Variants in RFX4 observed in about 807,000 individuals in gnomAD.
RFX4 encodes the protein regulatory factor X4.
Under a neutral mutation model 95.0 loss-of-function variants are expected in RFX4, and 10 were observed. The ratio of observed to expected loss-of-function variants is 0.11; its 90% CI spans 0.06 to 0.18. The LOEUF is 0.18. Among genes scored for constraint, RFX4 ranks in the 10% least tolerant of loss-of-function variants. The pLI is 1.00. For synonymous variants in RFX4, 321 were observed against 340.7 expected (o/e 0.94, Z 0.64); for missense variants, 640 against 922.0 (o/e 0.69, Z 3.96).
intron 6 of RFX4, among the ~76,000 whole-genome samples, chr12:106,688,020 T>C (rs1206386403): frequency 6.6e-6 from 1 of 151,800 alleles, no homozygotes; most frequent in Non-Finnish European, 1.5e-5. Context: ...AGCAAGTTAC[T>C]GGAAAAATAA....
At chr12:106,753,873 A>G (rs1201122209) in intron 17 of RFX4, among the ~76,000 whole-genome samples, 1 of 152,186 alleles carries the variant, frequency 6.6e-6, no homozygotes, top group African/African-American at 2.4e-5. Flanking sequence ...CGGAGTGGTA[A>G]GATCAGAGCT....
intron 4 of RFX4, among the ~76,000 whole-genome samples, chr12:106,679,935 C>T (rs1565976288): frequency 6.6e-6 from 1 of 152,190 alleles, no homozygotes. Flanking sequence ...TCTTGAATCA[C>T]TGCCTTTTAC....
At chr12:106,706,790 C>T (rs530755947) in intron 8 of RFX4, among the ~76,000 whole-genome samples, 1 of 152,238 alleles carries the variant, frequency 6.6e-6, no homozygotes, top group Admixed American at 6.5e-5. Context: ...AATGTGTGGA[C>T]CTTGTTTGGA....
At chr12:106,752,675 G>A (rs957411208) in intron 17 of RFX4, among the ~76,000 whole-genome samples, 9 of 152,058 alleles carry the variant, frequency 5.9e-5, no homozygotes, top group African/African-American at 1.7e-4. Context: ...CATCCAGCCC[G>A]CACAGGTAAT....
rs1047783817 is a variant in RFX4 at position 106,723,842 on chromosome 12, G to A, written c.1351+2966G>A. ...AATTGCTTTCCCTGTAGTCAGGAGTGGAAGTAAAAACCCAGAGAAGAGAGG... is the reference window on the plus strand; with the variant it reads ...AATTGCTTTCCCTGTAGTCAGGAGTAGAAGTAAAAACCCAGAGAAGAGAGG... On this transcript the variant is annotated intron_variant, in intron 13 of 17. Coordinates refer to ENST00000392842, the MANE Select transcript of RFX4 (RefSeq NM_213594.3). Among the ~76,000 whole-genome samples, 78 of 152,172 alleles carry A rather than the reference G, an allele frequency of 5.1e-4. 5 individuals carry two copies. Among genetic ancestry groups the A allele is most frequent in the Non-Finnish European group, 2.9e-5 (2 of 68,028 alleles).
chr12:106,747,012 A>G (rs4964486), intron 15 of RFX4, among the ~76,000 whole-genome samples: 56,800 of 152,056 alleles, frequency 0.37, 10,726 homozygotes, highest in African/African-American at 0.42. Flanking sequence ...CTTTCTGTCT[A>G]GTGAGGGGGC....
chr12:106,633,070 A>G (rs1202515358), intron 2 of RFX4, among the ~76,000 whole-genome samples: 1 of 152,260 alleles, frequency 6.6e-6, no homozygotes, highest in African/African-American at 2.4e-5. Flanking sequence ...GAACTGAGAT[A>G]GAGAGCCATC....
In RFX4 at chr12:106,595,549, A is replaced by T. The variant is rs116333089; in HGVS notation, c.43+12186A>T. Among the ~76,000 whole-genome samples, 682 of 152,278 alleles carry T rather than the reference A, an allele frequency of 4.5e-3. 4 individuals carry two copies. The highest frequency in any genetic ancestry group is 0.016 in the African/African-American group (660 of 41,548). On this transcript the variant is annotated intron_variant, in intron 1 of 17. Coordinates refer to ENST00000392842, the MANE Select transcript of RFX4 (RefSeq NM_213594.3). ...ATGCAATGTGTGCCTTTCATCTCAAATCATTCTCAGAGCTTCTAAGTTCAA... is the reference window on the plus strand; with the variant it reads ...ATGCAATGTGTGCCTTTCATCTCAATTCATTCTCAGAGCTTCTAAGTTCAA...
chr12:106,732,728 TAAAC>T lies in RFX4; in HGVS notation c.1472-192_1472-189del, dbSNP rs1224980989. Among the ~76,000 whole-genome samples, 9 of 151,968 alleles carry T rather than the reference TAAAC, an allele frequency of 5.9e-5. No individual in the cohort carries two copies. In the Middle Eastern group the frequency reaches 0.017, roughly 287 times the overall value. On this transcript the variant is annotated intron_variant, in intron 14 of 17. Transcript: ENST00000392842. Reference sequence around the variant, plus strand: ...ATAAGTAAATAAATAAATAAATAAATAAACAAATTAAATAAAGTGGGCATATTTA... The same window carrying T: ...ATAAGTAAATAAATAAATAAATAAATAAATTAAATAAAGTGGGCATATTTA...
intron 3 of RFX4, among the ~76,000 whole-genome samples, chr12:106,645,503 G>A (rs1565962463): frequency 6.6e-6 from 1 of 151,906 alleles, no homozygotes; most frequent in Non-Finnish European, 1.5e-5. Flanking sequence ...TTTCGGGGGG[G>A]ATTGGGGGGA....
At chr12:106,655,258 T>C (rs1381630457) in intron 4 of RFX4, among the ~76,000 whole-genome samples, 1 of 152,186 alleles carries the variant, frequency 6.6e-6, no homozygotes, top group Non-Finnish European at 1.5e-5. Context: ...AATGGCTCCA[T>C]TCAATAAATG....
At chr12:106,610,310 A>G (rs1298996421) in intron 2 of RFX4, among the ~76,000 whole-genome samples, 1 of 152,072 alleles carries the variant, frequency 6.6e-6, no homozygotes, top group Non-Finnish European at 1.5e-5. Context: ...GGCAAAATCT[A>G]CATAACATAA....
rs1332416261 is a variant in RFX4, at chr12:106,761,199, C to T, written c.1938C>T (p.Tyr646=). 6.2e-7 allele frequency: 1 copy of T among 1,610,784 alleles called. No homozygotes were observed. Among genetic ancestry groups the T allele is most frequent in the Admixed American group, 1.7e-5 (1 of 59,926 alleles). ...GGAATTTCTTTCCCCTCAACAAGTACCCTTTTAATAGCCCCACTTCCCGGA... is the reference window on the plus strand; with the variant it reads ...GGAATTTCTTTCCCCTCAACAAGTATCCTTTTAATAGCCCCACTTCCCGGA... The part of the protein sequence containing the change: ...YAPYHRSSAQ[Y]PFNSPTSRME... Residue 646 remains tyrosine, a splice_region_variant and synonymous_variant, in exon 18 of 18, where the codon TAC becomes TAT. Transcript: ENST00000392842.
intron 17 of RFX4, among the ~76,000 whole-genome samples, chr12:106,760,720 C>A (rs1156257216): frequency 6.6e-6 from 1 of 152,158 alleles, no homozygotes; most frequent in African/African-American, 2.4e-5. Context: ...TTAATAACAT[C>A]ATTGTATTTT....
intron 4 of RFX4, among the ~76,000 whole-genome samples, chr12:106,660,085 C>T (rs1036740646): frequency 6.6e-6 from 1 of 151,972 alleles, no homozygotes; most frequent in African/African-American, 2.4e-5. Flanking sequence ...GTACTAACTC[C>T]CTCAGCACCC....
intron 7 of RFX4, among the ~76,000 whole-genome samples, chr12:106,691,518 C>T (rs932201510): frequency 3.9e-5 from 6 of 152,194 alleles, no homozygotes; most frequent in African/African-American, 1.4e-4. Flanking sequence ...ATGGCTTTCT[C>T]CTATAGCTGA....
intron 17 of RFX4, among the ~76,000 whole-genome samples, chr12:106,752,839 C>G (rs556763708): frequency 6.6e-6 from 1 of 152,194 alleles, no homozygotes; most frequent in South Asian, 2.1e-4. Flanking sequence ...ATTTGGGAAA[C>G]CACCGCTGGA....
chr12:106,642,651 G>A (rs2040657497), intron 3 of RFX4, among the ~76,000 whole-genome samples: 1 of 152,110 alleles, frequency 6.6e-6, no homozygotes, highest in East Asian at 1.9e-4. Context: ...AGATAAACAA[G>A]TAATGCATTA....
intron 2 of RFX4, among the ~76,000 whole-genome samples, chr12:106,615,693 CAT>C (rs1344320462): frequency 7.9e-5 from 12 of 152,130 alleles, no homozygotes; most frequent in African/African-American, 2.9e-4. Context: ...AGATTTTACA[CAT>C]CTTTCTTTAG....
Sources: allele counts gnomAD v4.1 joint callset (sites outside exome capture counted in the v4.1 genomes callset), GRCh38; gene constraint gnomAD v4.1.1; transcripts MANE v1.5; gene names NCBI Gene and HGNC (gene_info 2026-07-23, HGNC 2026-07-21).